Variants in STAT4 observed in about 807,000 individuals in gnomAD.
STAT4 encodes the protein signal transducer and activator of transcription 4.
A neutral mutation model predicts 110.5 loss-of-function variants in STAT4; 42 were observed. That is an observed-to-expected ratio of 0.38 (90% CI 0.30 to 0.49). The LOEUF (loss-of-function observed/expected upper bound fraction) is 0.49, where lower values mean the gene tolerates loss of function less well. STAT4 is among the 20% of genes least tolerant of loss of function. The probability of loss-of-function intolerance (pLI) is 0.95; values close to 1 mark genes in which losing one functional copy is unlikely to be tolerated. For missense variants in STAT4, 632 were observed against 887.9 expected (o/e 0.71, Z 3.66); for synonymous variants, 284 against 302.2 (o/e 0.94, Z 0.63).
intron 1 of STAT4, among the ~76,000 whole-genome samples, chr2:191,149,628 T>C (rs377526176): frequency 6.6e-6 from 1 of 152,206 alleles, no homozygotes; most frequent in East Asian, 1.9e-4. Context: ...TGTGTGAGGC[T>C]TCTAAGGGAC....
chr2:191,055,221 T>C (rs1696648092), intron 13 of STAT4, among the ~76,000 whole-genome samples: 1 of 151,848 alleles, frequency 6.6e-6, no homozygotes, highest in Non-Finnish European at 1.5e-5. Flanking sequence ...TTTTTTGAGA[T>C]GGAGTCTGGT....
At position 191,033,683 on chromosome 2, in the gene STAT4, A is replaced by T; in HGVS notation, c.1716-57T>A. 1 of 1,586,614 alleles carries T rather than the reference A, an allele frequency of 6.3e-7. No individual in the cohort carries two copies. Among genetic ancestry groups the T allele is most frequent in the Non-Finnish European group, 8.6e-7 (1 of 1,168,012 alleles). On this transcript the variant is annotated intron_variant, in intron 19 of 23. Coordinates refer to ENST00000392320, the MANE Select transcript of STAT4 (RefSeq NM_003151.4). The surrounding 1 kb of genome is among the most constrained non-coding windows in gnomAD (Gnocchi z 6.9). Reference sequence around the variant, plus strand: ...TCATTATTGGATTTTCACTTATTGCATTTACAAAGACCTACAGTTTGTTTT... The same window carrying T: ...TCATTATTGGATTTTCACTTATTGCTTTTACAAAGACCTACAGTTTGTTTT...
At chr2:191,034,866 T>C (rs559231266) in intron 17 of STAT4, among the ~76,000 whole-genome samples, 23 of 152,260 alleles carry the variant, frequency 1.5e-4, no homozygotes, top group Admixed American at 2.6e-4. Context: ...ATGGGTAGAA[T>C]ATAAATTGTC....
Position 191,105,470 on chromosome 2 carries a change from T to C in STAT4, c.274-29145A>G, listed in dbSNP as rs138753788. Among the ~76,000 whole-genome samples the C allele has an allele frequency of 1.9e-3, 286 of 152,364 alleles. 1 individual carries two copies. Among genetic ancestry groups the C allele is most frequent in the Non-Finnish European group, 2.9e-3 (200 of 68,036 alleles). ...ACAGCTATAGACTCCTCTCTCCTGA[T>C]TATGAGTACATCAGATTATCTTAAA... is the stretch of plus-strand genomic sequence containing the variant. On this transcript the variant is annotated intron_variant, in intron 3 of 23. Transcript: ENST00000392320.
At chr2:191,118,823 A>G (rs1698640649) in intron 3 of STAT4, among the ~76,000 whole-genome samples, 2 of 152,118 alleles carry the variant, frequency 1.3e-5, no homozygotes, top group African/African-American at 4.8e-5. Context: ...CAGTGGCTTG[A>G]TCATAGCTCA....
chr2:191,098,809 C>T (rs968116658), intron 3 of STAT4, among the ~76,000 whole-genome samples: 2 of 151,848 alleles, frequency 1.3e-5, no homozygotes, highest in Non-Finnish European at 1.5e-5. Flanking sequence ...ATCTAAGGAT[C>T]GAGGAGATCT....
chr2:191,052,385 A>C (rs1696553245), intron 14 of STAT4, among the ~76,000 whole-genome samples: 2 of 152,198 alleles, frequency 1.3e-5, no homozygotes, highest in Non-Finnish European at 1.5e-5. Context: ...AATTAACCCG[A>C]TTCGGCAAAC....
At position 191,032,839 on chromosome 2, in the gene STAT4, T is replaced by A; in HGVS notation, c.2044+119A>T. 9.2e-7 allele frequency: 1 copy of A among 1,090,388 alleles called. No homozygotes were observed. 67.5% of individuals were successfully genotyped at this position (1,090,388 alleles called of 1,614,324 possible). On this transcript the variant is annotated intron_variant, in intron 21 of 23. Coordinates refer to ENST00000392320, the MANE Select transcript of STAT4 (RefSeq NM_003151.4). This position sits in a 1 kb window ranked among gnomAD's most constrained non-coding sequence, Gnocchi z 4.9. The stretch of plus-strand genomic sequence containing the variant: ...CTAAGGCTTTGACCTCCACATGCCC[T>A]TAGATCTTACAGAAATCAGAGTAAA...
intron 3 of STAT4, among the ~76,000 whole-genome samples, chr2:191,118,382 G>T (rs539076176): frequency 1.3e-5 from 2 of 152,170 alleles, no homozygotes; most frequent in South Asian, 4.1e-4. Flanking sequence ...TATAATTGGG[G>T]CCTATTTTTT....
intron 15 of STAT4, among the ~76,000 whole-genome samples, chr2:191,040,294 T>C (rs904598025): frequency 2.0e-5 from 3 of 152,204 alleles, no homozygotes; most frequent in African/African-American, 7.2e-5. Context: ...ATGTTCCTAT[T>C]ATTTGTCTTT....
intron 3 of STAT4, chr2:191,131,775 C>A: frequency 7.7e-7 from 1 of 1,304,228 alleles, no homozygotes; most frequent in Non-Finnish European, 9.8e-7. Flanking sequence ...ATCTTGGTTT[C>A]CTCAATTAGT....
At chr2:191,102,999 T>C (rs1698184329) in intron 3 of STAT4, among the ~76,000 whole-genome samples, 2 of 152,198 alleles carry the variant, frequency 1.3e-5, no homozygotes, top group Non-Finnish European at 2.9e-5. Context: ...TCCTGTTTCT[T>C]TCTTTCTCAC....
rs530529776 is a variant in STAT4, at chr2:191,110,005, G to T, written c.274-33680C>A. On this transcript the variant is annotated intron_variant, in intron 3 of 23. Transcript: ENST00000392320. This position sits in a 1 kb window ranked among gnomAD's most constrained non-coding sequence, Gnocchi z 4.5. ...CAGGGGCCCCCATTCATTAAGAAAG[G>T]CCACAATATGCAAACTCCTGGTTTC... 1.3e-5 allele frequency among the ~76,000 whole-genome samples: 2 copies of T among 152,166 alleles called. No individual in the cohort carries two copies. Among genetic ancestry groups the T allele is most frequent in the South Asian group, 2.1e-4 (1 of 4,816 alleles).
Position 191,104,677 on chromosome 2 carries a change from A to T in STAT4, c.274-28352T>A, listed in dbSNP as rs1215983952. ...TATAAAACATAAAACACTCCTCCCC[A>T]TATGATTTGAAAGGATATATATTGT... On this transcript the variant is annotated intron_variant, in intron 3 of 23. Transcript: ENST00000392320. This position sits in a 1 kb window ranked among gnomAD's most constrained non-coding sequence, Gnocchi z 4.3. Among the ~76,000 whole-genome samples the T allele has an allele frequency of 6.6e-6, 1 of 152,216 alleles. No individual in the cohort carries two copies. Among genetic ancestry groups the T allele is most frequent in the African/African-American group, 2.4e-5 (1 of 41,458 alleles).
rs1457594782 is a variant in STAT4, at chr2:191,061,769, A to G, written c.994T>C (p.Leu332=). Residue 332 remains leucine (L), a synonymous_variant, in exon 10 of 24, where the codon TTG becomes CTG. Transcript: ENST00000392320. The surrounding 1 kb of genome is among the most constrained non-coding windows in gnomAD (Gnocchi z 6.2). ...AACTGAATTAGGGTTTTAAGTACCA[A>G]CGGCCTCTGAGGGTGGGTTGGCATA... is the stretch of plus-strand genomic sequence containing the variant. ...PCMPTHPQRP[L]VLKTLIQFTV... is the part of the protein sequence containing the mutation. 1.2e-6 allele frequency: 2 copies of G among 1,613,592 alleles called. No homozygotes were observed. Among genetic ancestry groups the G allele is most frequent in the Non-Finnish European group, 8.5e-7 (1 of 1,179,876 alleles).
intron 5 of STAT4, among the ~76,000 whole-genome samples, chr2:191,070,868 G>A (rs772981418): frequency 3.3e-5 from 5 of 152,024 alleles, no homozygotes; most frequent in South Asian, 2.1e-4. Context: ...GGGGTGGGAC[G>A]AAGAAGGATA....
In STAT4 at chr2:191,076,300, T is replaced by A. The variant is rs1267779076; in HGVS notation, c.299A>T (p.His100Leu). ...ACAGTTTGAAATAACCACAGCTACA[T>A]GCATTGGATTTCCATGAAATTTTCC... is the stretch of plus-strand genomic sequence containing the variant. ...LQGKFHGNPM[H>L]VAVVISNCLR... The change falls in exon 4 of 24, where the codon CAT becomes CTT. Residue 100 changes from histidine to leucine, a missense_variant. By Grantham distance (99) the His-to-Leu change is moderately conservative. Transcript: ENST00000392320. 2 of 1,603,192 alleles carry A rather than the reference T, an allele frequency of 1.2e-6. No homozygotes were observed. Among genetic ancestry groups the A allele is most frequent in the Admixed American group, 3.5e-5 (2 of 57,122 alleles).
At position 191,032,941 on chromosome 2, in the gene STAT4, A is replaced by G; in HGVS notation, c.2044+17T>C. On this transcript the variant is annotated intron_variant, in intron 21 of 23. Transcript: ENST00000392320. The surrounding 1 kb of genome is among the most constrained non-coding windows in gnomAD (Gnocchi z 4.9). ...ATCTTAAGGAAAAAAAAACAAAAACAAACAGAAAAACCTAACCTTCGCAAG... is the reference window on the plus strand; with the variant it reads ...ATCTTAAGGAAAAAAAAACAAAAACGAACAGAAAAACCTAACCTTCGCAAG... 1 of 1,575,592 alleles carries G rather than the reference A, an allele frequency of 6.3e-7. No homozygotes were observed.
rs746885035 is a variant in STAT4, at chr2:191,031,066, G to A, written c.2126C>T (p.Thr709Ile). The change falls in exon 23 of 24, where the codon ACA becomes ATA. Residue 709 changes from threonine to isoleucine, a missense_variant. Thr to Ile is a moderately conservative substitution (Grantham distance 89, BLOSUM62 -1). This residue lies in a region of STAT4 where 32 missense variants were observed against 67.6 expected (regional missense o/e 0.47). Coordinates refer to ENST00000392320, the MANE Select transcript of STAT4 (RefSeq NM_003151.4). The surrounding 1 kb of genome is among the most constrained non-coding windows in gnomAD (Gnocchi z 4.8). ...AAGGTCTGATGGAGAATGTGGCTCTGTTGAATCACTTCGGCTTAAAGAGAT... is the reference window on the plus strand; with the variant it reads ...AAGGTCTGATGGAGAATGTGGCTCTATTGAATCACTTCGGCTTAAAGAGAT... ...IPISTIRSDSTEPHSPSDLLP... is the reference protein window; with the variant it reads ...IPISTIRSDSIEPHSPSDLLP... 6.2e-7 allele frequency: 1 copy of A among 1,613,826 alleles called. No individual in the cohort carries two copies. Among genetic ancestry groups the A allele is most frequent in the Non-Finnish European group, 8.5e-7 (1 of 1,179,842 alleles).
Sources: gnomAD v4.1 joint callset for allele counts (sites outside exome capture counted in the v4.1 genomes callset) on GRCh38, gnomAD v4.1.1 for gene constraint, gnomAD v4.1.1 regional missense constraint, Gnocchi (gnomAD v3.1) non-coding constraint, MANE v1.5 for transcripts, NCBI Gene and HGNC (gene_info 2026-07-23, HGNC 2026-07-21) for gene names.